TOLLIP: variants seen among roughly 807,000 people sequenced by gnomAD.
TOLLIP encodes the protein toll interacting protein, also known as toll-interacting protein.
TOLLIP carries 16 observed loss-of-function variants against 33.5 expected under a neutral mutation model. The ratio of observed to expected loss-of-function variants is 0.48; its 90% CI spans 0.32 to 0.72. The LOEUF (loss-of-function observed/expected upper bound fraction) is 0.72. TOLLIP is among the 30% of genes least tolerant of loss of function. The probability of loss-of-function intolerance (pLI) is 0.03; values close to 1 mark genes in which losing one functional copy is unlikely to be tolerated. For synonymous variants in TOLLIP, 176 were observed against 163.7 expected (o/e 1.07, Z -0.57); for missense variants, 325 against 396.6 (o/e 0.82, Z 1.53).
chr11:1,301,458 C>G (rs5743906), intron 1 of TOLLIP, among the ~76,000 whole-genome samples: 1 of 150,446 alleles, frequency 6.6e-6, no homozygotes, highest in Non-Finnish European at 1.5e-5. Context: ...CGCGGGCTTC[C>G]GAGAACTCCG....
Position 1,303,474 on chromosome 11 carries a change from AC to A in TOLLIP, c.33+5991del, listed in dbSNP as rs1864342590. Among the ~76,000 whole-genome samples the A allele has an allele frequency of 1.3e-5, 2 of 152,234 alleles. No homozygotes were observed. The highest frequency in any genetic ancestry group is 2.4e-5 in the African/African-American group (1 of 41,468). ...GCACCCCTGCTCCTGGGATGCTTAC[AC>A]GTGAGTGGAAGAAGACAAACGGGAA... On this transcript the variant is annotated intron_variant, in intron 1 of 5. Coordinates refer to ENST00000317204, the MANE Select transcript of TOLLIP (RefSeq NM_019009.4). The surrounding 1 kb of genome is among the most constrained non-coding windows in gnomAD (Gnocchi z 4.2).
chr11:1,300,901 C>T (rs1367925063), intron 1 of TOLLIP, among the ~76,000 whole-genome samples: 6 of 152,356 alleles, frequency 3.9e-5, no homozygotes, highest in South Asian at 2.1e-4. Context: ...ACCTTCTCAC[C>T]GTTCCCACCC....
chr11:1,276,985 C>G lies in TOLLIP; in HGVS notation c.*54G>C, dbSNP rs1261517068. 6.3e-7 allele frequency: 1 copy of G among 1,595,222 alleles called. No homozygotes were observed. Among genetic ancestry groups the G allele is most frequent in the African/African-American group, 1.3e-5 (1 of 74,742 alleles). On this transcript the variant is annotated 3_prime_UTR_variant, in exon 6 of 6. Transcript: ENST00000317204. The stretch of plus-strand genomic sequence containing the variant: ...TGTTGGGACAGCATTCCTTGGGGAG[C>G]GCCGGGTCGGCGTGTCCAAAGAGCG...
In TOLLIP at chr11:1,278,047, G is replaced by A. The variant is rs575231376; in HGVS notation, c.611-794C>T. Among the ~76,000 whole-genome samples the A allele has an allele frequency of 5.3e-5, 8 of 152,266 alleles. No homozygotes were observed. In the South Asian group the frequency reaches 1.0e-3, roughly 20 times the overall value. ...AGGACACACTGAGATGCAATCTATCGAGCAGGAGACGCACGGCGGTTCAGC... is the reference window on the plus strand; with the variant it reads ...AGGACACACTGAGATGCAATCTATCAAGCAGGAGACGCACGGCGGTTCAGC... On this transcript the variant is annotated intron_variant, in intron 5 of 5. Coordinates refer to ENST00000317204, the MANE Select transcript of TOLLIP (RefSeq NM_019009.4). This position sits in a 1 kb window ranked among gnomAD's most constrained non-coding sequence, Gnocchi z 4.7.
chr11:1,306,910 C>A (rs1864436514), intron 1 of TOLLIP, among the ~76,000 whole-genome samples: 1 of 151,588 alleles, frequency 6.6e-6, no homozygotes, highest in Non-Finnish European at 1.5e-5. Context: ...TCCCATTCCT[C>A]CTCCGAGAGA....
chr11:1,283,494 G>A, intron 5 of TOLLIP: 1 of 454,632 alleles, frequency 2.2e-6, no homozygotes, highest in Non-Finnish European at 4.4e-6. Context: ...GGGGGCTCCG[G>A]TGGGGCGTCA....
At chr11:1,292,135 G>C (rs1233300789) in intron 2 of TOLLIP, 2 of 152,238 alleles carry the variant, frequency 1.3e-5, no homozygotes, top group African/African-American at 4.8e-5. Flanking sequence ...TGGGCGACAG[G>C]CATGCTCAGC....
rs1863277199 is a variant in TOLLIP, at chr11:1,275,766, A to T, written c.*1273T>A. On this transcript the variant is annotated 3_prime_UTR_variant, in exon 6 of 6. Coordinates refer to ENST00000317204, the MANE Select transcript of TOLLIP (RefSeq NM_019009.4). ...TTTTTTTGAGGGAGAAAAAGACTAA[A>T]ATGTAAGCACTAACTTCCTCCTTCT... 6.6e-6 allele frequency: 1 copy of T among 152,162 alleles called. No individual in the cohort carries two copies. The highest frequency in any genetic ancestry group is 2.4e-5 in the African/African-American group (1 of 41,424). The allele number at this position is 152,162 out of a possible 1,614,324, so 9.4% of individuals were successfully genotyped here. A position where few individuals can be genotyped will look rare whatever the true frequency, so the allele number is the denominator to read the frequency against.
In TOLLIP at chr11:1,303,257, A is replaced by G. The variant is rs1248716668; in HGVS notation, c.33+6209T>C. 6.6e-6 allele frequency among the ~76,000 whole-genome samples: 1 copy of G among 152,168 alleles called. No individual in the cohort carries two copies. On this transcript the variant is annotated intron_variant, in intron 1 of 5. Coordinates refer to ENST00000317204, the MANE Select transcript of TOLLIP (RefSeq NM_019009.4). The surrounding 1 kb of genome is among the most constrained non-coding windows in gnomAD (Gnocchi z 4.2). ...ATCCTAAGTGCTGGGACGGTCAAGCAAGGCAGAGGCGGAAAACCCCTTCTC... is the reference window on the plus strand; with the variant it reads ...ATCCTAAGTGCTGGGACGGTCAAGCGAGGCAGAGGCGGAAAACCCCTTCTC...
intron 5 of TOLLIP, among the ~76,000 whole-genome samples, chr11:1,283,101 C>T (rs1449461099): frequency 6.6e-6 from 1 of 152,220 alleles, no homozygotes; most frequent in Non-Finnish European, 1.5e-5. Flanking sequence ...CAGAGCCCGC[C>T]GTGAGGGACG....
chr11:1,309,551 A>G lies in TOLLIP; in HGVS notation c.-53T>C. On this transcript the variant is annotated 5_prime_UTR_variant, in exon 1 of 6. Coordinates refer to ENST00000317204, the MANE Select transcript of TOLLIP (RefSeq NM_019009.4). ...CGACCCGACAGTGACGCGCCGGGCG[A>G]CCTCCTGCGCCCCCGCCGGAGCCTG... is the stretch of plus-strand genomic sequence containing the variant. 1 of 1,173,908 alleles carries G rather than the reference A, an allele frequency of 8.5e-7. No homozygotes were observed. Among genetic ancestry groups the G allele is most frequent in the Non-Finnish European group, 1.1e-6 (1 of 923,872 alleles). The allele number at this position is 1,173,908 out of a possible 1,614,324, so 72.7% of individuals were successfully genotyped here.
rs1204552871 is a variant in TOLLIP at position 1,298,990 on chromosome 11, A to G, written c.34-3196T>C. Among the ~76,000 whole-genome samples, 15 of 152,362 alleles carry G rather than the reference A, an allele frequency of 9.8e-5. No homozygotes were observed. The East Asian group carries it at 2.7e-3, about 27-fold the overall frequency. ...TAAACGCAAGGCAGGGTGCTGGGAC[A>G]GCAGGGGACAGTCATCGAAAAACCA... On this transcript the variant is annotated intron_variant, in intron 1 of 5. Coordinates refer to ENST00000317204, the MANE Select transcript of TOLLIP (RefSeq NM_019009.4).
At chr11:1,309,351 C>T (rs1278463572) in intron 1 of TOLLIP, 115 bp downstream of exon 1, 27 of 563,974 alleles carry the variant, frequency 4.8e-5, no homozygotes, top group Non-Finnish European at 6.6e-5. Flanking sequence ...CCCGCGTGCC[C>T]CGGGAGAGCC....
At position 1,277,842 on chromosome 11, in the gene TOLLIP, C is replaced by T. The variant is rs1475378981; in HGVS notation, c.611-589G>A. 6.6e-6 allele frequency among the ~76,000 whole-genome samples: 1 copy of T among 152,164 alleles called. No homozygotes were observed. The highest frequency in any genetic ancestry group is 1.5e-5 in the Non-Finnish European group (1 of 68,038). On this transcript the variant is annotated intron_variant, in intron 5 of 5. Coordinates refer to ENST00000317204, the MANE Select transcript of TOLLIP (RefSeq NM_019009.4). The surrounding 1 kb of genome is among the most constrained non-coding windows in gnomAD (Gnocchi z 4.2). Reference sequence around the variant, plus strand: ...CCTCAGCAAAGCTGCAGCCGATGCCCAGAATGACAACCCCACACACACATA... The same window carrying T: ...CCTCAGCAAAGCTGCAGCCGATGCCTAGAATGACAACCCCACACACACATA...
At chr11:1,305,942 GGGGGCCCGCACGGTACCCCTCGCA>G (rs563331851) in intron 1 of TOLLIP, 168 of 151,916 alleles carry the variant, frequency 1.1e-3, no homozygotes, top group African/African-American at 3.8e-3. Context: ...TACTCCTCGC[GGGGGCCCGCACGGTACCCCTCGCA>G]GGGGCCCCCA....
chr11:1,304,197 G>A (rs1034634010), intron 1 of TOLLIP, among the ~76,000 whole-genome samples: 1 of 152,112 alleles, frequency 6.6e-6, no homozygotes, highest in South Asian at 2.1e-4. Flanking sequence ...AGGAGAGGGC[G>A]GGGTCCCACC....
At chr11:1,285,376 G>C (rs1483261007) in intron 5 of TOLLIP, among the ~76,000 whole-genome samples, 2 of 152,256 alleles carry the variant, frequency 1.3e-5, no homozygotes, top group Non-Finnish European at 2.9e-5. Flanking sequence ...GCTAAAGACG[G>C]CTGGGCCCAT....
chr11:1,307,473 C>T (rs1026789772), intron 1 of TOLLIP, among the ~76,000 whole-genome samples: 1 of 152,246 alleles, frequency 6.6e-6, no homozygotes, highest in Admixed American at 6.5e-5. Context: ...TCCCACTGCT[C>T]CCTGCCTGCT....
rs779750383 is a variant in TOLLIP at position 1,290,425 on chromosome 11, T to C, written c.184-16A>G. 5 of 1,608,410 alleles carry C rather than the reference T, an allele frequency of 3.1e-6. No individual in the cohort carries two copies. Among genetic ancestry groups the C allele is most frequent in the East Asian group, 2.2e-5 (1 of 44,728 alleles). ...CCAACTTTGCCTGGAATGAAGCCAA[T>C]GTCAGGAAAAGGAGGTGCCAACCAT... On this transcript the variant is annotated splice_polypyrimidine_tract_variant and intron_variant, in intron 2 of 5. Coordinates refer to ENST00000317204, the MANE Select transcript of TOLLIP (RefSeq NM_019009.4). This position sits in a 1 kb window ranked among gnomAD's most constrained non-coding sequence, Gnocchi z 4.9.
Sources: gnomAD v4.1 joint callset for allele counts (sites outside exome capture counted in the v4.1 genomes callset) on GRCh38, gnomAD v4.1.1 for gene constraint, Gnocchi (gnomAD v3.1) non-coding constraint, MANE v1.5 for transcripts, NCBI Gene and HGNC (gene_info 2026-07-23, HGNC 2026-07-21) for gene names.